Variants in PCP4 observed in about 807,000 individuals in gnomAD.
The protein encoded by PCP4 is calmodulin regulator protein PCP4.
Under a neutral mutation model 10.0 loss-of-function variants are expected in PCP4, and 8 were observed. The ratio of observed to expected loss-of-function variants is 0.80; its 90% CI spans 0.47 to 1.45. PCP4 has a LOEUF of 1.45. Ranked by LOEUF, PCP4 falls within the 40% of genes most tolerant of loss-of-function variation. The pLI is 0.00. For synonymous variants in PCP4, 21 were observed against 23.0 expected (o/e 0.91, Z 0.24); for missense variants, 54 against 74.4 (o/e 0.73, Z 1.01).
chr21:39,922,883 A>T (rs2087603087), intron 2 of PCP4, among the ~76,000 whole-genome samples: 2 of 152,136 alleles, frequency 1.3e-5, no homozygotes, highest in Admixed American at 1.3e-4. Context: ...TGTGAGGGAT[A>T]ATGGCCCCCC....
chr21:39,907,751 C>T (rs542550407), intron 2 of PCP4, among the ~76,000 whole-genome samples: 84 of 152,086 alleles, frequency 5.5e-4, no homozygotes, highest in Non-Finnish European at 1.0e-3. Flanking sequence ...GAGCAGACAT[C>T]GTGCCACTGC....
chr21:39,894,592 G>A (rs2087448283), intron 1 of PCP4, among the ~76,000 whole-genome samples: 1 of 152,162 alleles, frequency 6.6e-6, no homozygotes, highest in Non-Finnish European at 1.5e-5. Context: ...CACATTGGTG[G>A]TATTCATGAT....
In PCP4 at chr21:39,906,575, TC is replaced by T. The variant is rs2087511591; in HGVS notation, c.61+8053del. Reference sequence around the variant, plus strand: ...TCCGCTCCTCCTTCTTCCCCTTCCTTCCCCCTTTCCTTCCCTTCCTTCCCTC... The same window carrying T: ...TCCGCTCCTCCTTCTTCCCCTTCCTTCCCCTTTCCTTCCCTTCCTTCCCTC... On this transcript the variant is annotated intron_variant, in intron 2 of 2. Coordinates refer to ENST00000328619, the MANE Select transcript of PCP4 (RefSeq NM_006198.3). This position sits in a 1 kb window ranked among gnomAD's most constrained non-coding sequence, Gnocchi z 6.3. Among the ~76,000 whole-genome samples, 1 of 151,452 alleles carries T rather than the reference TC, an allele frequency of 6.6e-6. No homozygotes were observed. Among genetic ancestry groups the T allele is most frequent in the Non-Finnish European group, 1.5e-5 (1 of 67,858 alleles).
intron 2 of PCP4, among the ~76,000 whole-genome samples, chr21:39,923,887 C>T (rs2087608770): frequency 6.6e-6 from 1 of 152,192 alleles, no homozygotes. Flanking sequence ...AGGAGAATGT[C>T]CTTTTGTATT....
chr21:39,893,839 T>A (rs1250065598), intron 1 of PCP4, among the ~76,000 whole-genome samples: 1 of 152,162 alleles, frequency 6.6e-6, no homozygotes, highest in South Asian at 2.1e-4. Flanking sequence ...TCTCTGGAGA[T>A]AAAAATAGGG....
chr21:39,873,421 AAAT>A (rs1352504680), intron 1 of PCP4, among the ~76,000 whole-genome samples: 3 of 152,146 alleles, frequency 2.0e-5, no homozygotes, highest in African/African-American at 7.2e-5. Flanking sequence ...TAATTAAAAT[AAAT>A]AATTGATATT....
intron 2 of PCP4, among the ~76,000 whole-genome samples, chr21:39,907,534 G>A (rs952798344): frequency 5.3e-5 from 8 of 152,138 alleles, no homozygotes; most frequent in East Asian, 1.9e-4. Flanking sequence ...AAGTCCCTGC[G>A]TGGTGGCTCC....
chr21:39,922,822 C>G (rs1183739814), intron 2 of PCP4, among the ~76,000 whole-genome samples: 2 of 152,180 alleles, frequency 1.3e-5, no homozygotes, highest in African/African-American at 4.8e-5. Flanking sequence ...TTGTCACTTC[C>G]TTTGAGGTGA....
intron 1 of PCP4, among the ~76,000 whole-genome samples, chr21:39,887,794 T>C (rs1286269067): frequency 6.6e-6 from 1 of 152,160 alleles, no homozygotes; most frequent in African/African-American, 2.4e-5. Context: ...TATAATACCA[T>C]AGTAACAGGC....
chr21:39,922,103 C>T (rs1044974653), intron 2 of PCP4, among the ~76,000 whole-genome samples: 5 of 152,312 alleles, frequency 3.3e-5, no homozygotes, highest in Admixed American at 6.5e-5. Flanking sequence ...CCTCCTGCCT[C>T]GGCCTCCCAA....
At chr21:39,895,871 C>T (rs2087454465) in intron 1 of PCP4, among the ~76,000 whole-genome samples, 1 of 152,214 alleles carries the variant, frequency 6.6e-6, no homozygotes, top group Admixed American at 6.5e-5. Flanking sequence ...TTGGAGAATT[C>T]CCCCTCTGCC....
chr21:39,885,766 C>T (rs2146330591), intron 1 of PCP4, among the ~76,000 whole-genome samples: 1 of 152,380 alleles, frequency 6.6e-6, no homozygotes, highest in Middle Eastern at 3.4e-3. Context: ...CTTTGCCCGG[C>T]TTTCTTTCCT....
chr21:39,893,721 A>G (rs1184226330), intron 1 of PCP4, among the ~76,000 whole-genome samples: 3 of 152,248 alleles, frequency 2.0e-5, no homozygotes, highest in Non-Finnish European at 4.4e-5. Context: ...TGTGAGGGAA[A>G]TATGTCTTTT....
At chr21:39,880,458 TGTGTGAGTGTGTGTGTGTGCATGC>T (rs992157374) in intron 1 of PCP4, among the ~76,000 whole-genome samples, 1 of 149,344 alleles carries the variant, frequency 6.7e-6, no homozygotes, top group South Asian at 2.1e-4. Flanking sequence ...TGTGTGCGTG[TGTGTGAGTGTGTGTGTGTGCATGC>T]GTGTGAGTGT....
At chr21:39,928,561 C>A (rs1313340171) in intron 2 of PCP4, among the ~76,000 whole-genome samples, 4 of 152,312 alleles carry the variant, frequency 2.6e-5, no homozygotes, top group South Asian at 4.1e-4. Context: ...CAGAATTATA[C>A]ACGGAAACTC....
At chr21:39,894,871 G>A (rs1275107929) in intron 1 of PCP4, among the ~76,000 whole-genome samples, 3 of 152,138 alleles carry the variant, frequency 2.0e-5, no homozygotes, top group African/African-American at 7.2e-5. Flanking sequence ...ATGAGAGTGG[G>A]GTGGAGAGAA....
At chr21:39,916,824 T>A (rs1341409052) in intron 2 of PCP4, among the ~76,000 whole-genome samples, 1 of 152,206 alleles carries the variant, frequency 6.6e-6, no homozygotes, top group African/African-American at 2.4e-5. Context: ...GAAGCTGTTA[T>A]CCTCAGCAAA....
intron 1 of PCP4, among the ~76,000 whole-genome samples, chr21:39,888,282 G>C (rs1212983795): frequency 6.6e-6 from 1 of 152,216 alleles, no homozygotes; most frequent in Non-Finnish European, 1.5e-5. Context: ...TGGTAGACAG[G>C]GGCCAACAGA....
chr21:39,914,824 T>C (rs1335061686), intron 2 of PCP4, among the ~76,000 whole-genome samples: 1 of 152,210 alleles, frequency 6.6e-6, no homozygotes, highest in Non-Finnish European at 1.5e-5. Context: ...ATGCTTTAAA[T>C]CTGGTATTTG....
Sources: allele counts gnomAD v4.1 joint callset (sites outside exome capture counted in the v4.1 genomes callset), GRCh38; gene constraint gnomAD v4.1.1; non-coding constraint Gnocchi (gnomAD v3.1); transcripts MANE v1.5; gene names NCBI Gene and HGNC (gene_info 2026-07-23, HGNC 2026-07-21).